DLG2: variants seen among roughly 807,000 people sequenced by gnomAD.
DLG2 encodes discs large MAGUK scaffold protein 2, also known as disks large homolog 2.
In DLG2, 45 loss-of-function variants were observed where a neutral mutation model predicts 132.5. The observed-to-expected ratio is 0.34, with a 90% CI of 0.27 to 0.44. The LOEUF (loss-of-function observed/expected upper bound fraction) is 0.44. Among genes scored for constraint, DLG2 ranks in the 20% least tolerant of loss-of-function variants. The pLI is 1.00. For missense variants in DLG2, 1,045 were observed against 1,196.9 expected (o/e 0.87, Z 1.87); for synonymous variants, 424 against 419.6 (o/e 1.01, Z -0.13).
At chr11:83,533,972 G>A (rs1480703076) in intron 20 of DLG2, among the ~76,000 whole-genome samples, 2 of 152,142 alleles carry the variant, frequency 1.3e-5, no homozygotes, top group African/African-American at 4.8e-5. Context: ...CCATAGTCCA[G>A]GTGAGAAATA....
intron 8 of DLG2, among the ~76,000 whole-genome samples, chr11:84,209,325 C>G (rs1198511050): frequency 6.6e-6 from 1 of 152,126 alleles, no homozygotes; most frequent in Non-Finnish European, 1.5e-5. Context: ...ATAAGAAAAG[C>G]CTGAAAAATT....
intron 18 of DLG2, among the ~76,000 whole-genome samples, chr11:83,699,145 G>A (rs2082422257): frequency 6.6e-6 from 1 of 152,130 alleles, no homozygotes; most frequent in African/African-American, 2.4e-5. Context: ...CCCAATAAAG[G>A]CAGATAGGAG....
At chr11:84,304,868 G>A (rs1405860204) in intron 7 of DLG2, among the ~76,000 whole-genome samples, 2 of 152,122 alleles carry the variant, frequency 1.3e-5, no homozygotes, top group Non-Finnish European at 2.9e-5. Context: ...AGATATAATG[G>A]TATACAAAAC....
chr11:84,338,768 T>G lies in DLG2; in HGVS notation c.520-87477A>C, dbSNP rs1283741398. On this transcript the variant is annotated intron_variant, in intron 7 of 27. Transcript: ENST00000376104. ...TTGCAGTGAGCCAAGATGGCGCCAC[T>G]GCACTCCAGCCTGGGTGACAGAGTG... 3.9e-5 allele frequency among the ~76,000 whole-genome samples: 6 copies of G among 152,162 alleles called. No homozygotes were observed. In the East Asian group the frequency reaches 1.2e-3, roughly 29 times the overall value.
At chr11:83,917,763 T>C (rs1327671695) in intron 15 of DLG2, among the ~76,000 whole-genome samples, 2 of 152,214 alleles carry the variant, frequency 1.3e-5, no homozygotes, top group African/African-American at 2.4e-5. Flanking sequence ...GTCATTCCAA[T>C]GAATGTCTAC....
intron 7 of DLG2, among the ~76,000 whole-genome samples, chr11:84,267,584 T>G (rs2097657639): frequency 6.6e-6 from 1 of 152,228 alleles, no homozygotes; most frequent in South Asian, 2.1e-4. Flanking sequence ...GTTGTCAGGC[T>G]AAAAGGACAA....
At chr11:84,545,449 T>G (rs1229983440) in intron 6 of DLG2, 3 of 439,470 alleles carry the variant, frequency 6.8e-6, no homozygotes, top group African/African-American at 6.1e-5. Context: ...CAATCATAGT[T>G]CATACCAAAA....
At chr11:84,768,230 C>T (rs985376707) in intron 6 of DLG2, among the ~76,000 whole-genome samples, 9 of 152,170 alleles carry the variant, frequency 5.9e-5, no homozygotes, top group Admixed American at 1.3e-4. Context: ...CACTATTGCT[C>T]ATTATGGCTA....
At chr11:83,894,391 G>T (rs1275483767) in intron 15 of DLG2, among the ~76,000 whole-genome samples, 1 of 152,042 alleles carries the variant, frequency 6.6e-6, no homozygotes, top group Non-Finnish European at 1.5e-5. Flanking sequence ...TAGAACAGAG[G>T]AGATTTCACC....
At chr11:85,018,950 C>T (rs1172990410) in intron 6 of DLG2, among the ~76,000 whole-genome samples, 1 of 152,124 alleles carries the variant, frequency 6.6e-6, no homozygotes, top group Non-Finnish European at 1.5e-5. Context: ...ATGCATTTGA[C>T]ATGCCAACTC....
intron 6 of DLG2, among the ~76,000 whole-genome samples, chr11:85,061,266 G>A (rs2064105145): frequency 6.6e-6 from 1 of 151,474 alleles, no homozygotes; most frequent in Non-Finnish European, 1.5e-5. Flanking sequence ...TGTAGCCTGT[G>A]CTTTATTTTT....
intron 11 of DLG2, among the ~76,000 whole-genome samples, chr11:83,993,913 T>C (rs1293352505): frequency 1.3e-5 from 2 of 152,162 alleles, no homozygotes; most frequent in Non-Finnish European, 2.9e-5. Flanking sequence ...TTGATGAGGA[T>C]GTCCCACTGG....
chr11:83,682,329 C>T (rs2078974851), intron 18 of DLG2: 1 of 985,380 alleles, frequency 1.0e-6, no homozygotes, highest in Non-Finnish European at 1.2e-6. Context: ...AAAACAGCCC[C>T]TCCTAGATTC....
At chr11:85,240,575 A>G (rs926764845) in intron 4 of DLG2, among the ~76,000 whole-genome samples, 2 of 151,748 alleles carry the variant, frequency 1.3e-5, no homozygotes, top group Admixed American at 6.6e-5. Context: ...TCTTTTATCC[A>G]TCTGGAATTG....
chr11:83,876,009 T>A (rs918675551), intron 15 of DLG2, among the ~76,000 whole-genome samples: 1 of 152,202 alleles, frequency 6.6e-6, no homozygotes, highest in Non-Finnish European at 1.5e-5. Context: ...AAGATATTCA[T>A]TGATCATGTT....
chr11:85,593,905 C>A (rs1288660763), intron 3 of DLG2, among the ~76,000 whole-genome samples: 1 of 151,990 alleles, frequency 6.6e-6, no homozygotes, highest in Admixed American at 6.6e-5. Flanking sequence ...CTCTTTTCCC[C>A]TACTTGTCCA....
chr11:84,296,344 A>G (rs908446437), intron 7 of DLG2, among the ~76,000 whole-genome samples: 1 of 152,224 alleles, frequency 6.6e-6, no homozygotes, highest in African/African-American at 2.4e-5. Flanking sequence ...ACAGGATTCC[A>G]CTGTAAATGT....
At chr11:84,901,873 C>T (rs1456560089) in intron 6 of DLG2, among the ~76,000 whole-genome samples, 2 of 151,866 alleles carry the variant, frequency 1.3e-5, no homozygotes, top group Non-Finnish European at 2.9e-5. Flanking sequence ...GTTTACTAAA[C>T]ATTTTCTTAG....
intron 9 of DLG2, among the ~76,000 whole-genome samples, chr11:84,143,259 C>T (rs542578626): frequency 6.6e-6 from 1 of 152,182 alleles, no homozygotes; most frequent in South Asian, 2.1e-4. Flanking sequence ...GACAAGCTAA[C>T]TCTGGGGATA....
Sources: allele counts gnomAD v4.1 joint callset (sites outside exome capture counted in the v4.1 genomes callset), GRCh38; gene constraint gnomAD v4.1.1; transcripts MANE v1.5; gene names NCBI Gene and HGNC (gene_info 2026-07-23, HGNC 2026-07-21).